The following SGIP1 variants were observed in gnomAD, a reference collection of about 807,000 sequenced individuals.
SGIP1 encodes SH3GL interacting endocytic adaptor 1.
A neutral mutation model predicts 107.5 loss-of-function variants in SGIP1; 38 were observed. The ratio of observed to expected loss-of-function variants is 0.35; its 90% CI spans 0.27 to 0.46. The LOEUF (loss-of-function observed/expected upper bound fraction) is 0.46, where lower values mean the gene tolerates loss of function less well. Among genes scored for constraint, SGIP1 ranks in the 20% least tolerant of loss-of-function variants. The probability of loss-of-function intolerance (pLI) is 1.00; values close to 1 mark genes in which losing one functional copy is unlikely to be tolerated. For missense variants in SGIP1, 929 were observed against 1,019.5 expected (o/e 0.91, Z 1.21); for synonymous variants, 365 against 366.1 (o/e 1.00, Z 0.03).
At chr1:66,718,847 G>A (rs2093382241) in intron 18 of SGIP1, among the ~76,000 whole-genome samples, 1 of 152,108 alleles carries the variant, frequency 6.6e-6, no homozygotes, top group African/African-American at 2.4e-5. Flanking sequence ...AAAAAAGTGG[G>A]TAATGTGATA....
At position 66,694,662 on chromosome 1, in the gene SGIP1, G is replaced by A. The variant is rs146781796; in HGVS notation, c.1571-772G>A. ...ATATTTACTGTTCATCATGGAACTC[G>A]TGCCACTGAAAATTTTTAAGTGACT... On this transcript the variant is annotated intron_variant, in intron 17 of 24. Coordinates refer to ENST00000371037, the MANE Select transcript of SGIP1 (RefSeq NM_032291.4). 601 of 466,210 alleles carry A rather than the reference G, an allele frequency of 1.3e-3. 2 individuals carry two copies. The highest frequency in any genetic ancestry group is 0.011 in the African/African-American group (566 of 49,606). 28.9% of individuals were successfully genotyped at this position (466,210 alleles called of 1,614,324 possible).
At chr1:66,732,261 G>A (rs512691) in intron 20 of SGIP1, among the ~76,000 whole-genome samples, 94,372 of 151,934 alleles carry the variant, frequency 0.62, 30,233 homozygotes, top group Non-Finnish European at 0.71. Context: ...GAATCTGGCT[G>A]TTTCTTATTA....
rs565501088 is a variant in SGIP1, at chr1:66,718,058, A to G, written c.1631-1236A>G. Reference sequence around the variant, plus strand: ...GCCAAGTCCAAGATATTGAAAGCCAAGAGGAGATAAAAAAGAGACTAGCAT... The same window carrying G: ...GCCAAGTCCAAGATATTGAAAGCCAGGAGGAGATAAAAAAGAGACTAGCAT... On this transcript the variant is annotated intron_variant, in intron 18 of 24. Coordinates refer to ENST00000371037, the MANE Select transcript of SGIP1 (RefSeq NM_032291.4). Among the ~76,000 whole-genome samples, 5 of 152,308 alleles carry G rather than the reference A, an allele frequency of 3.3e-5. No individual in the cohort carries two copies. The South Asian group carries it at 6.2e-4, about 19-fold the overall frequency.
intron 24 of SGIP1, among the ~76,000 whole-genome samples, chr1:66,741,848 A>G (rs2094455998): frequency 6.6e-6 from 1 of 151,866 alleles, no homozygotes; most frequent in East Asian, 1.9e-4. Flanking sequence ...ACTCACTGCA[A>G]GCTCTGCCTC....
At chr1:66,620,166 C>T (rs565593604) in intron 1 of SGIP1, among the ~76,000 whole-genome samples, 2 of 152,260 alleles carry the variant, frequency 1.3e-5, no homozygotes, top group East Asian at 3.9e-4. Flanking sequence ...GTTTCTTCTT[C>T]ACCTGCAGGT....
intron 1 of SGIP1, among the ~76,000 whole-genome samples, chr1:66,550,625 T>C (rs1310841268): frequency 6.6e-6 from 1 of 152,162 alleles, no homozygotes; most frequent in Non-Finnish European, 1.5e-5. Context: ...TTTATTAACA[T>C]AAAAATAGCT....
chr1:66,641,774 A>G (rs1355536450), intron 5 of SGIP1, among the ~76,000 whole-genome samples: 1 of 152,184 alleles, frequency 6.6e-6, no homozygotes, highest in African/African-American at 2.4e-5. Flanking sequence ...CTTTCCAAAA[A>G]ATGTTAGTTG....
intron 17 of SGIP1, 180 bp from the exon 18 acceptor site, chr1:66,695,254 C>CCAAAAAAAAAA (rs2090654827): frequency 1.3e-6 from 1 of 762,516 alleles, no homozygotes; most frequent in Admixed American, 6.1e-5. Flanking sequence ...GTTTCCTGAA[C>CCAAAAAAAAAA]TAAAAAAAAA....
At chr1:66,716,690 T>C (rs918312601) in intron 18 of SGIP1, among the ~76,000 whole-genome samples, 1 of 152,174 alleles carries the variant, frequency 6.6e-6, no homozygotes, top group Non-Finnish European at 1.5e-5. Context: ...AGGAAATTTA[T>C]GATTCTACTT....
At chr1:66,594,760 T>C (rs970751670) in intron 1 of SGIP1, among the ~76,000 whole-genome samples, 19 of 152,146 alleles carry the variant, frequency 1.2e-4, no homozygotes, top group Non-Finnish European at 2.1e-4. Context: ...TTGGGTGGGT[T>C]GCTGATATTC....
chr1:66,537,776 A>G (rs2053974036), intron 1 of SGIP1, among the ~76,000 whole-genome samples: 1 of 152,240 alleles, frequency 6.6e-6, no homozygotes, highest in Admixed American at 6.5e-5. Flanking sequence ...AGTATATTGT[A>G]TATACGGTGC....
intron 7 of SGIP1, chr1:66,660,269 A>T (rs12746750): frequency 0.039 from 14,463 of 373,470 alleles, 2,646 homozygotes; most frequent in East Asian, 0.23. Flanking sequence ...GGGAGGAAAG[A>T]GCAAGTTTAG....
chr1:66,700,264 G>T (rs2091683521), intron 18 of SGIP1, among the ~76,000 whole-genome samples: 1 of 151,922 alleles, frequency 6.6e-6, no homozygotes, highest in South Asian at 2.1e-4. Flanking sequence ...CCAGCTACTT[G>T]GGAGGCTGAG....
intron 1 of SGIP1, among the ~76,000 whole-genome samples, chr1:66,590,057 A>G (rs947757246): frequency 2.0e-5 from 3 of 152,204 alleles, no homozygotes; most frequent in African/African-American, 7.2e-5. Flanking sequence ...CTAGGTACTA[A>G]AGGGATTTTT....
chr1:66,712,354 A>G (rs1557717880), intron 18 of SGIP1, among the ~76,000 whole-genome samples: 1 of 152,192 alleles, frequency 6.6e-6, no homozygotes, highest in Non-Finnish European at 1.5e-5. Flanking sequence ...AAACTTCAAC[A>G]TTGCAAAGTG....
intron 1 of SGIP1, chr1:66,590,399 T>C (rs2063432824): frequency 6.6e-6 from 1 of 152,228 alleles, no homozygotes; most frequent in African/African-American, 2.4e-5. Context: ...CATCTAATTA[T>C]GGGTTGTATA....
chr1:66,592,897 C>CTTTTTTTTTTTTTTTTTTT (rs35762612), intron 1 of SGIP1, among the ~76,000 whole-genome samples: 22 of 56,354 alleles, frequency 3.9e-4, no homozygotes, highest in African/African-American at 8.6e-4. Flanking sequence ...TCTTCTTCTT[C>CTTTTTTTTTTTTTTTTTTT]TTTTTTTTTT....
intron 1 of SGIP1, among the ~76,000 whole-genome samples, chr1:66,565,286 C>A (rs1157443468): frequency 1.3e-5 from 2 of 151,992 alleles, no homozygotes; most frequent in Non-Finnish European, 2.9e-5. Flanking sequence ...AATAATTTAT[C>A]CCTTTTCTTT....
chr1:66,618,410 A>G (rs918848757), intron 1 of SGIP1, among the ~76,000 whole-genome samples: 6 of 152,252 alleles, frequency 3.9e-5, no homozygotes, highest in African/African-American at 1.4e-4. Context: ...GTTTAAAAAA[A>G]ATGATTATAT....
Sources: allele counts gnomAD v4.1 joint callset (sites outside exome capture counted in the v4.1 genomes callset), GRCh38; gene constraint gnomAD v4.1.1; transcripts MANE v1.5; gene names NCBI Gene and HGNC (gene_info 2026-07-23, HGNC 2026-07-21).